The following QKI variants were observed in gnomAD, a reference collection of about 807,000 sequenced individuals.
The protein encoded by QKI is KH domain-containing RNA-binding protein QKI.
Under a neutral mutation model 39.0 loss-of-function variants are expected in QKI, and 10 were observed. The observed-to-expected ratio is 0.26, with a 90% CI of 0.16 to 0.43. QKI has a LOEUF of 0.43. QKI is among the 20% of genes least tolerant of loss of function. The probability of loss-of-function intolerance (pLI) is 1.00; values close to 1 mark genes in which losing one functional copy is unlikely to be tolerated. For synonymous variants in QKI, 204 were observed against 155.4 expected, an observed-to-expected ratio of 1.31 and a Z score of -2.33; for missense variants, 218 against 428.0, an observed-to-expected ratio of 0.51 and a Z score of 4.33.
At chr6:163,480,912 T>C (rs1793026734) in intron 3 of QKI, among the ~76,000 whole-genome samples, 1 of 152,202 alleles carries the variant, frequency 6.6e-6, no homozygotes, top group Admixed American at 6.5e-5. Context: ...AACCCCTTTT[T>C]CCCTGCTTCT....
At chr6:163,415,891 T>C (rs746443813) in intron 1 of QKI, 68 of 512,274 alleles carry the variant, frequency 1.3e-4, no homozygotes, top group Middle Eastern at 3.2e-4. Flanking sequence ...CAATACTAAG[T>C]GGAAGTCAGT....
At chr6:163,472,724 C>T (rs941676827) in intron 2 of QKI, among the ~76,000 whole-genome samples, 2 of 152,082 alleles carry the variant, frequency 1.3e-5, no homozygotes, top group African/African-American at 4.8e-5. Flanking sequence ...ATCAAAACTA[C>T]AGGAAATTAT....
intron 3 of QKI, among the ~76,000 whole-genome samples, chr6:163,507,640 A>G (rs1779181934): frequency 6.6e-6 from 1 of 152,182 alleles, no homozygotes; most frequent in South Asian, 2.1e-4. Flanking sequence ...TAAGCATCTC[A>G]TCTAAAGATG....
At position 163,571,386 on chromosome 6, in the gene QKI, T is replaced by C. The variant is rs989764031; in HGVS notation, c.*676T>C. On this transcript the variant is annotated 3_prime_UTR_variant, in exon 8 of 8. Transcript: ENST00000361752. ...AATGCAAATAACAAAACTGCAACAC[T>C]ATTTTTAAAAAGATAAATATCTGAG... is the stretch of plus-strand genomic sequence containing the variant. The C allele has an allele frequency of 6.6e-6, 1 of 152,234 alleles. No homozygotes were observed. Among genetic ancestry groups the C allele is most frequent in the African/African-American group, 2.4e-5 (1 of 41,472 alleles). 9.4% of individuals were successfully genotyped at this position (152,234 alleles called of 1,614,324 possible). A position where few individuals can be genotyped will look rare whatever the true frequency, so the allele number is the denominator to read the frequency against.
At chr6:163,553,646 A>G (rs772589403) in intron 4 of QKI, among the ~76,000 whole-genome samples, 12 of 152,104 alleles carry the variant, frequency 7.9e-5, no homozygotes, top group Admixed American at 1.3e-4. Flanking sequence ...TAAGATTACT[A>G]TTACTATTAA....
chr6:163,469,831 G>A (rs1792051079), intron 2 of QKI, among the ~76,000 whole-genome samples: 1 of 152,140 alleles, frequency 6.6e-6, no homozygotes, highest in South Asian at 2.1e-4. Context: ...GGCCAGGCAT[G>A]TTGATAGATT....
intron 4 of QKI, among the ~76,000 whole-genome samples, chr6:163,558,404 CTT>C (rs964172716): frequency 8.9e-5 from 12 of 135,546 alleles, no homozygotes; most frequent in African/African-American, 8.1e-5. Context: ...TTTTCTTTTT[CTT>C]TTTTTTTTTT....
At chr6:163,555,675 A>G (rs1436250167) in intron 4 of QKI, among the ~76,000 whole-genome samples, 1 of 152,172 alleles carries the variant, frequency 6.6e-6, no homozygotes, top group Non-Finnish European at 1.5e-5. Context: ...AACATTTGCA[A>G]GCAAGGTTGC....
At chr6:163,549,080 G>A (rs1419127399) in intron 4 of QKI, among the ~76,000 whole-genome samples, 2 of 152,152 alleles carry the variant, frequency 1.3e-5, no homozygotes, top group Non-Finnish European at 2.9e-5. Flanking sequence ...CCACATGGCT[G>A]GGGAGGCCTT....
chr6:163,567,921 T>C, intron 7 of QKI: 1 of 985,268 alleles, frequency 1.0e-6, no homozygotes, highest in Non-Finnish European at 1.2e-6. Flanking sequence ...ACACAGCTGT[T>C]GTCCACATCA....
intron 2 of QKI, among the ~76,000 whole-genome samples, chr6:163,478,567 T>C (rs1792807690): frequency 6.6e-6 from 1 of 152,226 alleles, no homozygotes. Flanking sequence ...ATAGTTTGTG[T>C]TAATACTTGT....
At chr6:163,478,979 T>A in intron 3 of QKI, 83 bp downstream of exon 3, 1 of 1,250,876 alleles carries the variant, frequency 8.0e-7, no homozygotes, top group Non-Finnish European at 1.1e-6. Context: ...TCCAGATTTT[T>A]TTGTGCTTAA....
intron 3 of QKI, among the ~76,000 whole-genome samples, chr6:163,515,854 C>G (rs1378160021): frequency 6.6e-6 from 1 of 152,136 alleles, no homozygotes; most frequent in Non-Finnish European, 1.5e-5. Flanking sequence ...ATAAGTCCAG[C>G]AATTGACATT....
At chr6:163,554,792 C>A (rs1782479772) in intron 4 of QKI, among the ~76,000 whole-genome samples, 1 of 152,222 alleles carries the variant, frequency 6.6e-6, no homozygotes, top group Non-Finnish European at 1.5e-5. Context: ...ATCTCTGTTA[C>A]AACCTCTACC....
chr6:163,466,517 T>C (rs1010747109), intron 2 of QKI, among the ~76,000 whole-genome samples: 1 of 152,130 alleles, frequency 6.6e-6, no homozygotes, highest in Non-Finnish European at 1.5e-5. Context: ...GCTTCTGGCA[T>C]AAAAACAGAC....
intron 4 of QKI, among the ~76,000 whole-genome samples, chr6:163,553,829 T>A (rs915018144): frequency 1.3e-5 from 2 of 152,204 alleles, no homozygotes; most frequent in African/African-American, 4.8e-5. Flanking sequence ...TTATATAGTT[T>A]TAATGGAGGA....
intron 3 of QKI, among the ~76,000 whole-genome samples, chr6:163,487,162 A>G (rs1777734395): frequency 6.8e-6 from 1 of 147,170 alleles, no homozygotes; most frequent in Non-Finnish European, 1.5e-5. Flanking sequence ...CTCTCTGACA[A>G]GCTCTAGCAT....
At chr6:163,536,638 ATTT>A (rs1781229428) in intron 4 of QKI, among the ~76,000 whole-genome samples, 1 of 152,180 alleles carries the variant, frequency 6.6e-6, no homozygotes, top group South Asian at 2.1e-4. Flanking sequence ...CTTGCTTACC[ATTT>A]TTATTTCTAG....
At chr6:163,459,720 CTG>C (rs372083965) in intron 2 of QKI, among the ~76,000 whole-genome samples, 3 of 152,170 alleles carry the variant, frequency 2.0e-5, no homozygotes, top group East Asian at 1.9e-4. Context: ...AGCAGGCACT[CTG>C]TGGTTTTTGT....
Sources: allele counts gnomAD v4.1 joint callset (sites outside exome capture counted in the v4.1 genomes callset), GRCh38; gene constraint gnomAD v4.1.1; transcripts MANE v1.5; gene names NCBI Gene and HGNC (gene_info 2026-07-23, HGNC 2026-07-21).